Variants in SYNGR1 observed in about 807,000 individuals in gnomAD.
SYNGR1 encodes the protein synaptogyrin-1.
Under a neutral mutation model 26.1 loss-of-function variants are expected in SYNGR1, and 14 were observed. The observed-to-expected ratio is 0.54, with a 90% CI of 0.35 to 0.84. The LOEUF (loss-of-function observed/expected upper bound fraction) is 0.84. SYNGR1 is among the 40% of genes least tolerant of loss of function. SYNGR1 has a pLI of 0.01. For synonymous variants in SYNGR1, 141 were observed against 150.1 expected (o/e 0.94, Z 0.44); for missense variants, 319 against 332.9 (o/e 0.96, Z 0.33).
At chr22:39,370,376 C>T (rs905650705) in intron 1 of SYNGR1, among the ~76,000 whole-genome samples, 2 of 152,144 alleles carry the variant, frequency 1.3e-5, no homozygotes, top group Middle Eastern at 3.4e-3. Flanking sequence ...ATGATCCACC[C>T]GCCTCGGCCT....
At chr22:39,372,772 G>A (rs1439022837) in intron 1 of SYNGR1, among the ~76,000 whole-genome samples, 1 of 151,990 alleles carries the variant, frequency 6.6e-6, no homozygotes, top group Non-Finnish European at 1.5e-5. Flanking sequence ...CCTGGCCTGG[G>A]TGGATCCATT....
chr22:39,378,524 C>A, intron 3 of SYNGR1: 1 of 927,190 alleles, frequency 1.1e-6, no homozygotes, highest in Non-Finnish European at 1.3e-6. Context: ...TGCTTGAGGC[C>A]CCCAGCTGCC....
At chr22:39,371,528 G>A (rs1003871755) in intron 1 of SYNGR1, among the ~76,000 whole-genome samples, 3 of 148,688 alleles carry the variant, frequency 2.0e-5, no homozygotes, top group East Asian at 2.1e-4. Flanking sequence ...GGTGGCTCAC[G>A]CCCGTAATCC....
chr22:39,359,185 G>T (rs760742), intron 1 of SYNGR1, among the ~76,000 whole-genome samples: 90,307 of 151,598 alleles, frequency 0.6, 29,448 homozygotes, highest in East Asian at 0.99. Flanking sequence ...CCCTCTGCTG[G>T]GTGTAGAGGT....
In SYNGR1 at chr22:39,378,919, T is replaced by A. The variant is rs547979436; in HGVS notation, c.483+2722T>A. Among the ~76,000 whole-genome samples, 17 of 152,268 alleles carry A rather than the reference T, an allele frequency of 1.1e-4. 1 individual carries two copies. Among genetic ancestry groups the A allele is most frequent in the Middle Eastern group, 6.8e-3 (2 of 294 alleles). On this transcript the variant is annotated intron_variant, in intron 3 of 3. Coordinates refer to ENST00000328933, the MANE Select transcript of SYNGR1 (RefSeq NM_004711.5). ...GGCAGAGAGCTGAACACAGAGACAG[T>A]ATGAGTGCCTACAGCCAGAGGCATC...
intron 1 of SYNGR1, among the ~76,000 whole-genome samples, chr22:39,354,468 G>C (rs972608539): frequency 7.9e-5 from 12 of 152,168 alleles, no homozygotes; most frequent in Non-Finnish European, 1.6e-4. Flanking sequence ...GGTGGCCTGA[G>C]GGGGGCAGCT....
At chr22:39,362,329 A>G (rs1209713644) in intron 1 of SYNGR1, among the ~76,000 whole-genome samples, 3 of 151,878 alleles carry the variant, frequency 2.0e-5, no homozygotes, top group Admixed American at 2.0e-4. Context: ...CTCCACCCCC[A>G]CCACCGAGCA....
At chr22:39,363,735 T>C (rs566413138) in intron 1 of SYNGR1, among the ~76,000 whole-genome samples, 1 of 152,140 alleles carries the variant, frequency 6.6e-6, no homozygotes, top group Admixed American at 6.5e-5. Flanking sequence ...GAGGAGGCTG[T>C]GGTGGTGTCA....
At chr22:39,356,106 AC>A (rs2097909492) in intron 1 of SYNGR1, among the ~76,000 whole-genome samples, 1 of 152,222 alleles carries the variant, frequency 6.6e-6, no homozygotes, top group Non-Finnish European at 1.5e-5. Flanking sequence ...TCGCTCTGTC[AC>A]CCAAGTTGGA....
intron 1 of SYNGR1, among the ~76,000 whole-genome samples, chr22:39,356,285 C>G (rs1924141862): frequency 6.6e-6 from 1 of 152,126 alleles, no homozygotes; most frequent in South Asian, 2.1e-4. Context: ...AAACTCCTGA[C>G]CTCAAGTGAT....
intron 3 of SYNGR1, chr22:39,380,163 G>GAAAAAAAAA (rs11376276): frequency 7.2e-6 from 1 of 138,322 alleles, no homozygotes; most frequent in East Asian, 2.0e-4. Context: ...TGAGATCTGT[G>GAAAAAAAAA]AAAAAAAAAA....
intron 1 of SYNGR1, among the ~76,000 whole-genome samples, chr22:39,362,334 C>T (rs1047866962): frequency 3.9e-5 from 6 of 152,128 alleles, no homozygotes; most frequent in African/African-American, 1.4e-4. Flanking sequence ...CCCCCACCAC[C>T]GAGCACTCGG....
intron 1 of SYNGR1, among the ~76,000 whole-genome samples, chr22:39,352,341 T>C (rs1338105785): frequency 2.6e-5 from 4 of 152,202 alleles, no homozygotes; most frequent in African/African-American, 7.2e-5. Flanking sequence ...AAAGTAGCTT[T>C]TTTTCCTGAT....
rs1272668035 is a variant in SYNGR1 at position 39,384,882 on chromosome 22, G to T, written c.*2968G>T. On this transcript the variant is annotated 3_prime_UTR_variant, in exon 4 of 4. Coordinates refer to ENST00000328933, the MANE Select transcript of SYNGR1 (RefSeq NM_004711.5). The stretch of plus-strand genomic sequence containing the variant: ...TCCAAGGTCAAGCACAGAGGGAGAG[G>T]TTCAGGAGTCAGGTCTTCTGCCTTC... 2 of 398,858 alleles carry T rather than the reference G, an allele frequency of 5.0e-6. No homozygotes were observed. Among genetic ancestry groups the T allele is most frequent in the Non-Finnish European group, 8.8e-6 (2 of 226,180 alleles). The allele number at this position is 398,858 out of a possible 1,614,324, so 24.7% of individuals were successfully genotyped here.
chr22:39,385,241 T>TC lies in SYNGR1; in HGVS notation c.*3331dup. The TC allele has an allele frequency of 2.7e-6, 1 of 373,156 alleles. No individual in the cohort carries two copies. The highest frequency in any genetic ancestry group is 4.8e-6 in the Non-Finnish European group (1 of 210,260). 23.1% of individuals were successfully genotyped at this position (373,156 alleles called of 1,614,324 possible). On this transcript the variant is annotated 3_prime_UTR_variant, in exon 4 of 4. Coordinates refer to ENST00000328933, the MANE Select transcript of SYNGR1 (RefSeq NM_004711.5). ...CCCAGCGATGCACTTGACCTGACACTCCCCATGTCCTGGTGCGCACAGCCC... is the reference window on the plus strand; with the variant it reads ...CCCAGCGATGCACTTGACCTGACACTCCCCCATGTCCTGGTGCGCACAGCCC...
intron 1 of SYNGR1, chr22:39,364,192 C>T (rs897195052): frequency 6.2e-7 from 1 of 1,613,094 alleles, no homozygotes; most frequent in Non-Finnish European, 8.5e-7. Flanking sequence ...CCTCCTTGGT[C>T]TCATGTTGAC....
chr22:39,365,827 C>T (rs918979016), intron 1 of SYNGR1, among the ~76,000 whole-genome samples: 3 of 151,234 alleles, frequency 2.0e-5, no homozygotes, highest in African/African-American at 2.4e-5. Context: ...CCCCCATCTG[C>T]TCTTTTTCTT....
At position 39,350,161 on chromosome 22, in the gene SYNGR1, A is replaced by AG. The variant is rs1181348485; in HGVS notation, c.99+53dup. ...GCCAGGCCGGGGTGGTGGGGGTGTGAGCAAAGGCGGCGCGCCCGGACCGAC... is the reference window on the plus strand; with the variant it reads ...GCCAGGCCGGGGTGGTGGGGGTGTGAGGCAAAGGCGGCGCGCCCGGACCGAC... On this transcript the variant is annotated intron_variant, in intron 1 of 3. Transcript: ENST00000328933. This position sits in a 1 kb window ranked among gnomAD's most constrained non-coding sequence, Gnocchi z 4.3. The AG allele has an allele frequency of 7.7e-7, 1 of 1,297,696 alleles. No individual in the cohort carries two copies. Among genetic ancestry groups the AG allele is most frequent in the South Asian group, 1.6e-5 (1 of 62,578 alleles). 80.4% of individuals were successfully genotyped at this position (1,297,696 alleles called of 1,614,324 possible).
At chr22:39,356,203 C>T (rs1220648653) in intron 1 of SYNGR1, among the ~76,000 whole-genome samples, 2 of 32,458 alleles carry the variant, frequency 6.2e-5, no homozygotes, top group Non-Finnish European at 1.1e-4. Flanking sequence ...AGTAGATGTC[C>T]GCCACCACAC....
Sources: allele counts gnomAD v4.1 joint callset (sites outside exome capture counted in the v4.1 genomes callset), GRCh38; gene constraint gnomAD v4.1.1; non-coding constraint Gnocchi (gnomAD v3.1); transcripts MANE v1.5; gene names NCBI Gene and HGNC (gene_info 2026-07-23, HGNC 2026-07-21).